The following CALN1 variants were observed in gnomAD, a reference collection of about 807,000 sequenced individuals.
CALN1 encodes calneuron 1, also known as calcium-binding protein 8.
CALN1 carries 17 observed loss-of-function variants against 30.6 expected under a neutral mutation model. The observed-to-expected ratio is 0.56, with a 90% CI of 0.38 to 0.83. The LOEUF (loss-of-function observed/expected upper bound fraction) is 0.83, where lower values mean the gene tolerates loss of function less well. Ranked by LOEUF, CALN1 falls within the 40% of genes least tolerant of loss-of-function variation. The pLI, the probability that CALN1 is intolerant of heterozygous loss-of-function variation, is 0.00. For missense variants in CALN1, 291 were observed against 354.9 expected (o/e 0.82, Z 1.45); for synonymous variants, 156 against 131.4 (o/e 1.19, Z -1.28).
intron 5 of CALN1, among the ~76,000 whole-genome samples, chr7:71,859,675 T>C (rs1791159580): frequency 6.6e-6 from 1 of 152,220 alleles, no homozygotes; most frequent in African/African-American, 2.4e-5. Context: ...AAATTAGAAG[T>C]TGCCCTTCCT....
intron 6 of CALN1, among the ~76,000 whole-genome samples, chr7:71,788,698 C>G (rs974694609): frequency 6.6e-6 from 1 of 151,914 alleles, no homozygotes; most frequent in African/African-American, 2.4e-5. Context: ...CTCTCTGTCA[C>G]CCAGGCTGGA....
chr7:72,041,189 G>C (rs1011076582), intron 4 of CALN1, among the ~76,000 whole-genome samples: 1 of 152,164 alleles, frequency 6.6e-6, no homozygotes. Context: ...AGAGAACCAA[G>C]AGAGAGGCAT....
intron 2 of CALN1, among the ~76,000 whole-genome samples, chr7:72,394,961 A>G (rs1805817971): frequency 6.6e-6 from 1 of 152,130 alleles, no homozygotes; most frequent in Non-Finnish European, 1.5e-5. Context: ...CCCAGCCTAC[A>G]TTCTATTCTT....
chr7:71,988,933 A>G (rs530889319), intron 5 of CALN1, among the ~76,000 whole-genome samples: 1 of 152,130 alleles, frequency 6.6e-6, no homozygotes, highest in African/African-American at 2.4e-5. Context: ...GCACAATAAC[A>G]GGCTCACAGT....
chr7:72,477,594 G>C, the CALN1 span, among the ~76,000 whole-genome samples: 2 of 151,984 alleles, frequency 1.3e-5, no homozygotes, highest in African/African-American at 2.4e-5. Context: ...ACTTTTTGTT[G>C]TTGTTTTTGT....
chr7:72,178,787 A>G (rs1789555033), intron 3 of CALN1, among the ~76,000 whole-genome samples: 1 of 152,118 alleles, frequency 6.6e-6, no homozygotes, highest in African/African-American at 2.4e-5. Context: ...GTCTATTTCA[A>G]TTAGGAACTA....
chr7:72,493,286 G>T, the CALN1 span, among the ~76,000 whole-genome samples: 1 of 151,940 alleles, frequency 6.6e-6, no homozygotes, highest in Non-Finnish European at 1.5e-5. Context: ...TGACTAAATG[G>T]CCTCTTTCAT....
intron 3 of CALN1, among the ~76,000 whole-genome samples, chr7:72,108,709 G>C (rs1807349404): frequency 6.6e-6 from 1 of 152,160 alleles, no homozygotes; most frequent in South Asian, 2.1e-4. Flanking sequence ...GGGTCTGGTA[G>C]GTGATGGCTG....
chr7:71,787,983 G>A, intron 6 of CALN1, 81 bp from the exon 7 acceptor site: 1 of 1,585,542 alleles, frequency 6.3e-7, no homozygotes, highest in South Asian at 1.1e-5. Context: ...CAGTGAGATA[G>A]GTTGCAACTC....
intron 3 of CALN1, among the ~76,000 whole-genome samples, chr7:72,246,958 T>C (rs919433774): frequency 1.3e-5 from 2 of 152,058 alleles, no homozygotes; most frequent in Non-Finnish European, 2.9e-5. Flanking sequence ...TTCTCCATGT[T>C]GGTCAGGCTA....
At chr7:72,307,501 T>C (rs1799733697) in intron 2 of CALN1, among the ~76,000 whole-genome samples, 1 of 152,192 alleles carries the variant, frequency 6.6e-6, no homozygotes, top group Non-Finnish European at 1.5e-5. Context: ...TTAACGCATC[T>C]AATGGGCTGT....
At chr7:71,815,810 C>T (rs892591778) in intron 5 of CALN1, among the ~76,000 whole-genome samples, 1 of 129,348 alleles carries the variant, frequency 7.7e-6, no homozygotes, top group Non-Finnish European at 1.6e-5. Context: ...CTCCCGCCCT[C>T]CCTTCTTTTC....
intron 2 of CALN1, among the ~76,000 whole-genome samples, chr7:72,376,845 T>C (rs1804590441): frequency 6.6e-6 from 1 of 152,240 alleles, no homozygotes; most frequent in Non-Finnish European, 1.5e-5. Flanking sequence ...CTCTGGCATT[T>C]GAAGTTAATT....
chr7:72,158,066 G>A (rs1787835431), intron 3 of CALN1, among the ~76,000 whole-genome samples: 2 of 152,236 alleles, frequency 1.3e-5, no homozygotes, highest in Middle Eastern at 3.4e-3. Context: ...TTTAAGAGAA[G>A]ATTCACAGAA....
chr7:72,276,039 A>G (rs1481281551), intron 3 of CALN1, among the ~76,000 whole-genome samples: 1 of 152,186 alleles, frequency 6.6e-6, no homozygotes, highest in Non-Finnish European at 1.5e-5. Context: ...CAAAGTTGGG[A>G]AGGAGGAAGG....
At chr7:72,379,191 G>A (rs1181279347) in intron 2 of CALN1, among the ~76,000 whole-genome samples, 1 of 152,048 alleles carries the variant, frequency 6.6e-6, no homozygotes, top group South Asian at 2.1e-4. Context: ...TTACAGTGGT[G>A]TGATCACAGC....
chr7:72,159,941 A>C (rs1272152240), intron 3 of CALN1, among the ~76,000 whole-genome samples: 1 of 152,214 alleles, frequency 6.6e-6, no homozygotes, highest in Non-Finnish European at 1.5e-5. Context: ...CAGACCATTA[A>C]TCACTGTGTC....
At chr7:71,796,024 A>G (rs1285424737) in intron 6 of CALN1, among the ~76,000 whole-genome samples, 1 of 149,966 alleles carries the variant, frequency 6.7e-6, no homozygotes, top group East Asian at 2.0e-4. Flanking sequence ...ATGAGATTTC[A>G]CTGTGTTAGC....
At chr7:72,303,847 C>T (rs59378249) in intron 2 of CALN1, among the ~76,000 whole-genome samples, 27,993 of 152,012 alleles carry the variant, frequency 0.18, 3,574 homozygotes, top group East Asian at 0.41. Flanking sequence ...GTACTCTCAT[C>T]TGGGTGACAG....
Sources: gnomAD v4.1 joint callset for allele counts (sites outside exome capture counted in the v4.1 genomes callset) on GRCh38, gnomAD v4.1.1 for gene constraint, MANE v1.5 for transcripts, NCBI Gene and HGNC (gene_info 2026-07-23, HGNC 2026-07-21) for gene names.